Variants in PTGER3 observed in about 807,000 individuals in gnomAD.
The protein encoded by PTGER3 is prostaglandin E receptor 3, also known as prostaglandin E2 receptor EP3 subtype.
A neutral mutation model predicts 34.7 loss-of-function variants in PTGER3; 22 were observed. The ratio of observed to expected loss-of-function variants is 0.63; its 90% CI spans 0.45 to 0.91. PTGER3 has a LOEUF of 0.91. Ranked by LOEUF, PTGER3 falls within the 40% of genes least tolerant of loss-of-function variation. PTGER3 has a pLI of 0.00. For missense variants in PTGER3, 468 were observed against 519.4 expected (o/e 0.90, Z 0.96); for synonymous variants, 241 against 230.1 (o/e 1.05, Z -0.43).
chr1:70,916,822 T>C (rs529361502), intron 4 of PTGER3, among the ~76,000 whole-genome samples: 144 of 152,104 alleles, frequency 9.5e-4, no homozygotes, highest in African/African-American at 3.3e-3. Flanking sequence ...TCTGCATATA[T>C]AATCTAAAGT....
intron 4 of PTGER3, among the ~76,000 whole-genome samples, chr1:70,877,491 T>G (rs1646297411): frequency 1.3e-5 from 2 of 152,202 alleles, no homozygotes; most frequent in Non-Finnish European, 2.9e-5. Context: ...CAGTACTATC[T>G]TAAATAGGGG....
At chr1:71,004,342 A>C (rs1283475027) in intron 2 of PTGER3, among the ~76,000 whole-genome samples, 1 of 152,178 alleles carries the variant, frequency 6.6e-6, no homozygotes, top group East Asian at 1.9e-4. Context: ...TCAGTTATAG[A>C]GATCATGACT....
chr1:71,042,043 G>T (rs1660362639), intron 1 of PTGER3, among the ~76,000 whole-genome samples: 2 of 151,920 alleles, frequency 1.3e-5, no homozygotes, highest in Non-Finnish European at 2.9e-5. Flanking sequence ...GACCTTCACA[G>T]CTTGTTCAAA....
chr1:70,852,937 A>G (rs1324609541), intron 4 of PTGER3: 1 of 1,445,468 alleles, frequency 6.9e-7, no homozygotes, highest in East Asian at 2.3e-5. Flanking sequence ...CAAAGGCAAT[A>G]AATTCTCATA....
intron 1 of PTGER3, among the ~76,000 whole-genome samples, chr1:71,022,975 A>G (rs1382269639): frequency 6.6e-6 from 1 of 151,564 alleles, no homozygotes; most frequent in Admixed American, 6.6e-5. Context: ...AACTTCTCCC[A>G]CTTTTGGCAG....
intron 2 of PTGER3, among the ~76,000 whole-genome samples, chr1:70,990,149 C>A (rs1572869529): frequency 6.6e-6 from 1 of 151,458 alleles, no homozygotes; most frequent in Non-Finnish European, 1.5e-5. Context: ...GTCAGGAGAT[C>A]GAGACCAACC....
chr1:70,972,977 T>C (rs1366641352), intron 3 of PTGER3, among the ~76,000 whole-genome samples: 1 of 152,066 alleles, frequency 6.6e-6, no homozygotes, highest in Non-Finnish European at 1.5e-5. Context: ...AGCAAAAGTA[T>C]AATAAGATTT....
At chr1:70,894,786 G>A (rs942999396) in intron 4 of PTGER3, among the ~76,000 whole-genome samples, 11 of 152,158 alleles carry the variant, frequency 7.2e-5, no homozygotes, top group Admixed American at 2.0e-4. Flanking sequence ...AGGAGTAGAC[G>A]TTAATTCCAT....
intron 4 of PTGER3, among the ~76,000 whole-genome samples, chr1:70,919,081 C>A (rs1276277688): frequency 1.3e-5 from 2 of 152,080 alleles, no homozygotes; most frequent in Non-Finnish European, 2.9e-5. Flanking sequence ...ACATTCTGTT[C>A]AAGTAGGCCA....
downstream of PTGER3, among the ~76,000 whole-genome samples, chr1:70,967,578 T>A (rs1332200811): frequency 6.6e-6 from 1 of 152,070 alleles, no homozygotes; most frequent in East Asian, 1.9e-4. Flanking sequence ...ATGAAAAATA[T>A]GAGGACAGAT....
chr1:70,871,556 C>G (rs1366227390), intron 4 of PTGER3, among the ~76,000 whole-genome samples: 1 of 152,086 alleles, frequency 6.6e-6, no homozygotes, highest in East Asian at 1.9e-4. Context: ...TCAAGAAATG[C>G]TTGTTGAATT....
intron 4 of PTGER3, among the ~76,000 whole-genome samples, chr1:70,935,879 C>T (rs141505333): frequency 1.1e-4 from 16 of 151,448 alleles, no homozygotes; most frequent in African/African-American, 2.9e-4. Flanking sequence ...CAAGATGAAA[C>T]GAATGGGAAG....
chr1:70,987,936 T>C (rs1262555097), intron 2 of PTGER3, among the ~76,000 whole-genome samples: 2 of 152,198 alleles, frequency 1.3e-5, no homozygotes, highest in African/African-American at 4.8e-5. Flanking sequence ...CCAATAAAAA[T>C]GTTTTATTGT....
At chr1:70,863,927 A>C (rs960801415) in intron 4 of PTGER3, among the ~76,000 whole-genome samples, 1 of 152,178 alleles carries the variant, frequency 6.6e-6, no homozygotes, top group Admixed American at 6.5e-5. Flanking sequence ...AGGAATTAGC[A>C]TGTCATTCAG....
chr1:70,936,944 A>G (rs935917957), intron 4 of PTGER3, among the ~76,000 whole-genome samples: 1 of 152,206 alleles, frequency 6.6e-6, no homozygotes, highest in African/African-American at 2.4e-5. Flanking sequence ...ACTGGCTGAA[A>G]GCAATATTTC....
At chr1:71,020,605 G>A (rs771150319) in intron 1 of PTGER3, among the ~76,000 whole-genome samples, 1 of 151,846 alleles carries the variant, frequency 6.6e-6, no homozygotes. Flanking sequence ...AACTCCAAGG[G>A]GCAAATGGAG....
At chr1:70,923,660 A>G (rs1647772815) in intron 4 of PTGER3, among the ~76,000 whole-genome samples, 1 of 152,228 alleles carries the variant, frequency 6.6e-6, no homozygotes, top group Non-Finnish European at 1.5e-5. Context: ...TTAAAACATT[A>G]CTGATCCTTT....
At chr1:70,964,829 G>A (rs901468614) in intron 2 of PTGER3, among the ~76,000 whole-genome samples, 9 of 152,056 alleles carry the variant, frequency 5.9e-5, no homozygotes, top group African/African-American at 1.7e-4. Flanking sequence ...TCTTCTTTCC[G>A]TTCTTTCTTT....
intron 3 of PTGER3, among the ~76,000 whole-genome samples, chr1:70,953,215 A>C (rs1254226469): frequency 6.6e-6 from 1 of 152,172 alleles, no homozygotes; most frequent in African/African-American, 2.4e-5. Flanking sequence ...ATTATTTAAA[A>C]TGTTCAGGAG....
Sources: gnomAD v4.1 joint callset for allele counts (sites outside exome capture counted in the v4.1 genomes callset) on GRCh38, gnomAD v4.1.1 for gene constraint, MANE v1.5 for transcripts, NCBI Gene and HGNC (gene_info 2026-07-23, HGNC 2026-07-21) for gene names.